Variants in CDKL5 observed in about 807,000 individuals in gnomAD.
The protein encoded by CDKL5 is cyclin dependent kinase like 5.
In CDKL5, 8 loss-of-function variants were observed where a neutral mutation model predicts 61.7. That is an observed-to-expected ratio of 0.13 (90% CI 0.08 to 0.23). The LOEUF is 0.23. Ranked by LOEUF, CDKL5 falls within the 10% of genes least tolerant of loss-of-function variation. The probability of loss-of-function intolerance (pLI) is 1.00; values close to 1 mark genes in which losing one functional copy is unlikely to be tolerated. For synonymous variants in CDKL5, 275 were observed against 272.3 expected, an observed-to-expected ratio of 1.01 and a Z score of -0.10; for missense variants, 440 against 734.5, an observed-to-expected ratio of 0.60 and a Z score of 4.63.
At chrX:18,442,601 C>T (rs1409311387) in intron 1 of CDKL5, among the ~76,000 whole-genome samples, 1 of 111,408 alleles carries the variant, frequency 9.0e-6, no homozygotes, top group Non-Finnish European at 1.9e-5. Context: ...TCACGCCATT[C>T]TCCTGCCTCA....
rs770683321 is a variant in CDKL5 at position 18,474,963 on chromosome X, GT to G, written c.-162-31959del. ...CTTTGTAATTATTTTTTGTTTTTTG[GT>G]TTTTTTTTTTTTGAGACAGAGGCTC... On this transcript the variant is annotated intron_variant, in intron 1 of 17. Coordinates refer to ENST00000623535, the MANE Select transcript of CDKL5 (RefSeq NM_001323289.2). Among the ~76,000 whole-genome samples, 460 of 100,834 alleles carry G rather than the reference GT, an allele frequency of 4.6e-3. 2 individuals carry two copies. Among genetic ancestry groups the G allele is most frequent in the Middle Eastern group, 0.04 (8 of 201 alleles). 87.6% of individuals were successfully genotyped at this position (100,834 alleles called of 115,157 possible).
At chrX:18,648,647 G>A (rs1476274721) in intron 20 of CDKL5, among the ~76,000 whole-genome samples, 1 of 112,045 alleles carries the variant, frequency 8.9e-6, no homozygotes, top group Admixed American at 9.4e-5. Context: ...AAGTGCCCAG[G>A]TGACATAACT....
intron 16 of CDKL5, among the ~76,000 whole-genome samples, chrX:18,622,776 C>T (rs909394326): frequency 9.0e-6 from 1 of 111,412 alleles, no homozygotes; most frequent in South Asian, 3.8e-4. Flanking sequence ...ACTGCGTTCT[C>T]CTAAATACCA....
chrX:18,585,821 C>T (rs1156787672), intron 8 of CDKL5, among the ~76,000 whole-genome samples: 1 of 111,665 alleles, frequency 9.0e-6, no homozygotes, highest in Non-Finnish European at 1.9e-5. Flanking sequence ...TTGTAGGTCT[C>T]ATTTCTTTAA....
At chrX:18,545,231 G>A (rs1306360615) in intron 3 of CDKL5, among the ~76,000 whole-genome samples, 1 of 110,659 alleles carries the variant, frequency 9.0e-6, no homozygotes, top group Non-Finnish European at 1.9e-5. Flanking sequence ...GTGCAACTCT[G>A]TCTCAAATAA....
intron 2 of CDKL5, among the ~76,000 whole-genome samples, chrX:18,507,692 C>T (rs189204719): frequency 2.2e-3 from 246 of 110,912 alleles, no homozygotes; most frequent in Non-Finnish European, 3.3e-3. Flanking sequence ...CTGCCTCAGC[C>T]TCCTGAGATT....
intron 6 of CDKL5, among the ~76,000 whole-genome samples, chrX:18,580,292 TAGG>T (rs1277677561): frequency 8.9e-6 from 1 of 111,790 alleles, no homozygotes; most frequent in African/African-American, 3.2e-5. Context: ...TACTTGGGGA[TAGG>T]AGAAGAGCAA....
chrX:18,517,634 CCACAGGCCTGCAATATATAGG>C (rs1923069479), intron 3 of CDKL5, among the ~76,000 whole-genome samples: 1 of 111,271 alleles, frequency 9.0e-6, no homozygotes, highest in Non-Finnish European at 1.9e-5. Flanking sequence ...ATTTTTCCCC[CCACAGGCCTGCAATATATAGG>C]CACTGATGAA....
chrX:18,490,307 T>C (rs1414408069), intron 1 of CDKL5, among the ~76,000 whole-genome samples: 1 of 111,635 alleles, frequency 9.0e-6, no homozygotes, highest in African/African-American at 3.3e-5. Context: ...GATAGAAGTA[T>C]GAATAGCCTG....
chrX:18,516,299 T>A (rs1365956084), intron 3 of CDKL5, among the ~76,000 whole-genome samples: 2 of 108,120 alleles, frequency 1.8e-5, no homozygotes, highest in Admixed American at 1.0e-4. Context: ...TTTTTTTTTT[T>A]TTATTGCTAA....
At chrX:18,594,772 A>G (rs1925936402) in intron 9 of CDKL5, among the ~76,000 whole-genome samples, 1 of 112,686 alleles carries the variant, frequency 8.9e-6, no homozygotes. Flanking sequence ...AATTAGTTCA[A>G]ATTTTTATAT....
chrX:18,509,241 A>ACC (rs1301794418), intron 2 of CDKL5, among the ~76,000 whole-genome samples: 3 of 103,393 alleles, frequency 2.9e-5, no homozygotes, highest in Admixed American at 2.2e-4. Context: ...ACACACACAC[A>ACC]CACACCCCTG....
intron 1 of CDKL5, among the ~76,000 whole-genome samples, chrX:18,459,935 C>T (rs763528920): frequency 3.7e-5 from 4 of 106,878 alleles, no homozygotes; most frequent in African/African-American, 1.0e-4. Context: ...TGCAATGGCA[C>T]GATCTCGGCT....
chrX:18,501,542 A>T lies in CDKL5; in HGVS notation c.-162-5393A>T, dbSNP rs780195239. 3.3e-3 allele frequency among the ~76,000 whole-genome samples: 367 copies of T among 110,330 alleles called. 1 individual carries two copies. In the Middle Eastern group the frequency reaches 0.042, roughly 13 times the overall value. ...TAGTGAGACCAAATGTTTTTTTTAA[A>T]AAATTTTTATTTTTTTTTATTTTTT... On this transcript the variant is annotated intron_variant, in intron 1 of 17. Transcript: ENST00000623535.
At chrX:18,562,196 C>A (rs761883961) in intron 3 of CDKL5, among the ~76,000 whole-genome samples, 1 of 111,500 alleles carries the variant, frequency 9.0e-6, no homozygotes, top group Admixed American at 9.5e-5. Flanking sequence ...AGTAAATATT[C>A]TTATACACTG....
chrX:18,505,878 A>G (rs762137732), intron 1 of CDKL5, among the ~76,000 whole-genome samples: 72 of 112,959 alleles, frequency 6.4e-4, no homozygotes, highest in Non-Finnish European at 1.1e-3. Flanking sequence ...TTCAACCACT[A>G]GTTTTAGCAT....
In CDKL5 at chrX:18,427,471, A is replaced by G. The variant is rs1363885422; in HGVS notation, c.-163+1776A>G. Reference sequence around the variant, plus strand: ...TTTGGCTCTATTAAATAATAGAACTACAAAAGAGGCATACTAAATAAAGTT... The same window carrying G: ...TTTGGCTCTATTAAATAATAGAACTGCAAAAGAGGCATACTAAATAAAGTT... On this transcript the variant is annotated intron_variant, in intron 1 of 17. Transcript: ENST00000623535. Among the ~76,000 whole-genome samples the G allele has an allele frequency of 3.6e-5, 4 of 109,916 alleles. No homozygotes were observed. In the Admixed American group the frequency reaches 4.0e-4, roughly 11 times the overall value.
At chrX:18,485,917 C>G (rs974648803) in intron 1 of CDKL5, among the ~76,000 whole-genome samples, 3 of 111,340 alleles carry the variant, frequency 2.7e-5, no homozygotes, top group Non-Finnish European at 5.6e-5. Flanking sequence ...GAGCGCAACA[C>G]TATTGTCTGA....
chrX:18,457,876 A>AGT (rs950782230), intron 1 of CDKL5, among the ~76,000 whole-genome samples: 16 of 100,754 alleles, frequency 1.6e-4, no homozygotes, highest in Non-Finnish European at 3.0e-4. Context: ...GGCCTCCCAA[A>AGT]GTGCTGGGAT....
Sources: allele counts gnomAD v4.1 joint callset (sites outside exome capture counted in the v4.1 genomes callset), GRCh38; gene constraint gnomAD v4.1.1; transcripts MANE v1.5; gene names NCBI Gene and HGNC (gene_info 2026-07-23, HGNC 2026-07-21).